ACTN1: variants seen among roughly 807,000 people sequenced by gnomAD.
ACTN1 encodes alpha-actinin-1.
Under a neutral mutation model 119.6 loss-of-function variants are expected in ACTN1, and 30 were observed. The ratio of observed to expected loss-of-function variants is 0.25; its 90% confidence interval spans 0.19 to 0.34. The LOEUF is 0.34. Ranked by LOEUF, ACTN1 falls within the 10% of genes least tolerant of loss-of-function variation. The pLI is 1.00. For synonymous variants in ACTN1, 429 were observed against 472.6 expected, an observed-to-expected ratio of 0.91 and a Z score of 1.20; for missense variants, 764 against 1,223.4, an observed-to-expected ratio of 0.62 and a Z score of 5.60.
intron 1 of ACTN1, among the ~76,000 whole-genome samples, chr14:68,946,328 A>G (rs1348760491): frequency 6.6e-6 from 1 of 152,210 alleles, no homozygotes; most frequent in African/African-American, 2.4e-5. Flanking sequence ...CTAATGGACC[A>G]GGCCAACTTT....
chr14:68,944,089 C>T (rs927264986), intron 1 of ACTN1, among the ~76,000 whole-genome samples: 4 of 152,216 alleles, frequency 2.6e-5, no homozygotes, highest in Admixed American at 6.5e-5. Flanking sequence ...GACACTTCAA[C>T]GCTTAAAGCC....
chr14:68,976,387 G>A (rs748019086), intron 1 of ACTN1, among the ~76,000 whole-genome samples: 1 of 152,006 alleles, frequency 6.6e-6, no homozygotes, highest in Non-Finnish European at 1.5e-5. Context: ...AAAGCAACAC[G>A]TTTACCTTAC....
intron 1 of ACTN1, among the ~76,000 whole-genome samples, chr14:68,959,834 ACACTCC>A (rs1416854759): frequency 6.6e-6 from 1 of 152,176 alleles, no homozygotes; most frequent in Non-Finnish European, 1.5e-5. Context: ...AACGACCCTC[ACACTCC>A]CACTATGCAG....
chr14:68,883,569 C>T (rs930093161), intron 14 of ACTN1, among the ~76,000 whole-genome samples: 3 of 151,990 alleles, frequency 2.0e-5, no homozygotes, highest in Admixed American at 6.6e-5. Context: ...GCCAGGAGTT[C>T]GAGACCAGCC....
At chr14:68,889,642 G>A (rs1447434064) in intron 11 of ACTN1, among the ~76,000 whole-genome samples, 5 of 152,194 alleles carry the variant, frequency 3.3e-5, no homozygotes, top group Non-Finnish European at 5.9e-5. Context: ...AAATCAGCTG[G>A]GAATGGTGGC....
intron 6 of ACTN1, among the ~76,000 whole-genome samples, chr14:68,905,269 GC>G (rs2033598037): frequency 6.6e-6 from 1 of 152,196 alleles, no homozygotes; most frequent in Admixed American, 6.5e-5. Context: ...GACTATTCTG[GC>G]TTCTGCTACC....
chr14:68,887,661 C>A, intron 11 of ACTN1: 1 of 1,232,400 alleles, frequency 8.1e-7, no homozygotes, highest in Non-Finnish European at 1.1e-6. Context: ...GGGATACCCT[C>A]CTTCTTAAAA....
intron 1 of ACTN1, among the ~76,000 whole-genome samples, chr14:68,944,829 G>A (rs2035883041): frequency 1.3e-5 from 2 of 152,194 alleles, no homozygotes; most frequent in African/African-American, 4.8e-5. Flanking sequence ...AGCATAACAG[G>A]TATAGGCAGA....
At position 68,977,773 on chromosome 14, in the gene ACTN1, C is replaced by CA. The variant is rs552948987; in HGVS notation, c.105+1178dup. 1.2e-3 allele frequency: 409 copies of CA among 346,566 alleles called. 2 individuals carry two copies. Among genetic ancestry groups the CA allele is most frequent in the African/African-American group, 8.3e-3 (382 of 46,272 alleles). The allele number at this position is 346,566 out of a possible 1,614,324, so 21.5% of individuals were successfully genotyped here. On this transcript the variant is annotated intron_variant, in intron 1 of 21. Transcript: ENST00000394419. ...TCTCCCTCAAGCCCAGCCCTAACCG[C>CA]ACTATCCAAAGGGACGCGCCATCCT...
At position 68,874,757 on chromosome 14, in the gene ACTN1, TG is replaced by T; in HGVS notation, c.*101del. 1 of 1,234,288 alleles carries T rather than the reference TG, an allele frequency of 8.1e-7. No homozygotes were observed. The allele number at this position is 1,234,288 out of a possible 1,614,324, so 76.5% of individuals were successfully genotyped here. A position where few individuals can be genotyped will look rare whatever the true frequency, so the allele number is the denominator to read the frequency against. On this transcript the variant is annotated 3_prime_UTR_variant, in exon 22 of 22. Coordinates refer to ENST00000394419, the MANE Select transcript of ACTN1 (RefSeq NM_001130004.2). The stretch of plus-strand genomic sequence containing the variant: ...CCACGTGGGCCCCAGCTCACCCGGG[TG>T]GAGGCTGGGAGCTGAAACCGAACCC...
intron 1 of ACTN1, chr14:68,936,648 G>T (rs919139432): frequency 1.9e-5 from 12 of 619,958 alleles, no homozygotes; most frequent in Non-Finnish European, 3.4e-5. Context: ...GAGCCCATGG[G>T]GGAAGAGCCA....
intron 11 of ACTN1, chr14:68,888,145 G>A: frequency 1.8e-6 from 1 of 557,404 alleles, no homozygotes; most frequent in Non-Finnish European, 3.3e-6. Context: ...GACAGCCTTT[G>A]CGAAACTGTG....
chr14:68,893,216 T>C (rs1217001594), intron 9 of ACTN1, among the ~76,000 whole-genome samples: 1 of 152,064 alleles, frequency 6.6e-6, no homozygotes, highest in Admixed American at 6.6e-5. Context: ...CCCTGAACAG[T>C]AGGGGACAGC....
chr14:68,964,392 T>C (rs1442127149), intron 1 of ACTN1, among the ~76,000 whole-genome samples: 1 of 152,226 alleles, frequency 6.6e-6, no homozygotes, highest in Non-Finnish European at 1.5e-5. Context: ...GAGGGGCCAC[T>C]TCCCTGGTGC....
At chr14:68,978,177 C>A (rs964608252) in intron 1 of ACTN1, 5 of 456,276 alleles carry the variant, frequency 1.1e-5, no homozygotes, top group Non-Finnish European at 2.2e-5. Context: ...TAAGACTGAC[C>A]CTCGTTCTGC....
At chr14:68,944,974 C>T (rs531237921) in intron 1 of ACTN1, among the ~76,000 whole-genome samples, 16 of 151,976 alleles carry the variant, frequency 1.1e-4, no homozygotes, top group Non-Finnish European at 1.5e-5. Context: ...GTGTGTGGGG[C>T]TGGGCAACAT....
intron 1 of ACTN1, among the ~76,000 whole-genome samples, chr14:68,946,201 C>T (rs1232921456): frequency 6.6e-6 from 1 of 152,190 alleles, no homozygotes; most frequent in Non-Finnish European, 1.5e-5. Context: ...CACCTCACCA[C>T]CACCAATCAA....
At chr14:68,973,915 A>T (rs959400919) in intron 1 of ACTN1, 1 of 152,192 alleles carries the variant, frequency 6.6e-6, no homozygotes, top group Admixed American at 6.5e-5. Context: ...GGAGGTGCAG[A>T]CTAGAACCGC....
intron 1 of ACTN1, among the ~76,000 whole-genome samples, chr14:68,950,294 CAA>C (rs60899029): frequency 1.6e-5 from 2 of 121,524 alleles, no homozygotes; most frequent in Non-Finnish European, 3.5e-5. Context: ...GTTGTTGTCT[CAA>C]AAAAAAAAAA....
Sources: gnomAD v4.1 joint callset for allele counts (sites outside exome capture counted in the v4.1 genomes callset) on GRCh38, gnomAD v4.1.1 for gene constraint, MANE v1.5 for transcripts, NCBI Gene and HGNC (gene_info 2026-07-23, HGNC 2026-07-21) for gene names.